Variants in MYO7B observed in about 807,000 individuals in gnomAD.
MYO7B encodes the protein unconventional myosin-VIIb.
A neutral mutation model predicts 259.7 loss-of-function variants in MYO7B; 212 were observed. The ratio of observed to expected loss-of-function variants is 0.82; its 90% CI spans 0.73 to 0.91. MYO7B has a LOEUF of 0.91. MYO7B is among the 40% of genes least tolerant of loss of function. The pLI is 0.00. For missense variants in MYO7B, 2,732 were observed against 2,813.5 expected (o/e 0.97, Z 0.66); for synonymous variants, 1,197 against 1,166.4 (o/e 1.03, Z -0.54).
chr2:127,587,049 C>T (rs1413138990), intron 14 of MYO7B, among the ~76,000 whole-genome samples: 1 of 152,190 alleles, frequency 6.6e-6, no homozygotes, highest in Non-Finnish European at 1.5e-5. Context: ...CTCTTCCTCC[C>T]CAGATCCACA....
At position 127,619,570 on chromosome 2, in the gene MYO7B, T is replaced by TCTGTTC. The variant is rs1680746507; in HGVS notation, c.3399-769_3399-764dup. Among the ~76,000 whole-genome samples the TCTGTTC allele has an allele frequency of 5.9e-5, 9 of 152,218 alleles. No individual in the cohort carries two copies. The South Asian group carries it at 1.9e-3, about 32-fold the overall frequency. On this transcript the variant is annotated intron_variant, in intron 26 of 47. Transcript: ENST00000409816. ...CCAGCCATGCACATTGCTTCCCATC[T>TCTGTTC]CTGTTCGGTGATGTCGTGTCGCAGT...
chr2:127,558,001 TAATTA>T (rs1371634515), intron 1 of MYO7B, among the ~76,000 whole-genome samples: 1 of 152,110 alleles, frequency 6.6e-6, no homozygotes, highest in Non-Finnish European at 1.5e-5. Flanking sequence ...AGGTGGGACT[TAATTA>T]AACTAAAGAG....
At position 127,636,864 on chromosome 2, in the gene MYO7B, C is replaced by A. The variant is rs201505994; in HGVS notation, c.6278C>A (p.Ala2093Glu). Residue 2093 changes from alanine to glutamate, a missense_variant, in exon 47 of 48, where the codon GCG (alanine) becomes GAG (glutamate). Physicochemically the swap from Ala to Glu is moderately radical, Grantham distance 107. This residue lies in a region of MYO7B where 821 missense variants were observed against 769.3 expected (regional missense o/e 1.07). Transcript: ENST00000409816. This position sits in a 1 kb window ranked among gnomAD's most constrained non-coding sequence, Gnocchi z 4.5. ...WSSGSTYFHMALGSLGRGSRL... is the reference protein window; with the variant it reads ...WSSGSTYFHMELGSLGRGSRL... ...AGCGGCAGCACCTACTTCCACATGG[C>A]GCTGGGGAGCCTGGGCCGTGGCAGC... is the stretch of plus-strand genomic sequence containing the variant. The A allele has an allele frequency of 1.2e-6, 2 of 1,613,276 alleles. No homozygotes were observed. Among genetic ancestry groups the A allele is most frequent in the Non-Finnish European group, 8.5e-7 (1 of 1,179,800 alleles).
Position 127,611,420 on chromosome 2 carries a change from G to A in MYO7B, c.3193-830G>A, listed in dbSNP as rs546644666. On this transcript the variant is annotated intron_variant, in intron 24 of 47. Coordinates refer to ENST00000409816, the MANE Select transcript of MYO7B (RefSeq NM_001393586.1). This position sits in a 1 kb window ranked among gnomAD's most constrained non-coding sequence, Gnocchi z 5.4. ...AGCACCTCTGAAGGGTGGACATGGG[G>A]GGAAGCAGGACTGGCTTCCCAGAGG... Among the ~76,000 whole-genome samples, 9 of 152,326 alleles carry A rather than the reference G, an allele frequency of 5.9e-5. No individual in the cohort carries two copies. In the East Asian group the frequency reaches 1.4e-3, roughly 23 times the overall value.
At position 127,576,683 on chromosome 2, in the gene MYO7B, C is replaced by T. The variant is rs754049987; in HGVS notation, c.824C>T (p.Pro275Leu). 1.9e-6 allele frequency: 3 copies of T among 1,608,402 alleles called. No homozygotes were observed. The East Asian group carries it at 6.7e-5, about 36-fold the overall frequency. The part of the protein sequence containing the change: ...EDKQLLSLGT[P>L]SEYHYLTMGN... ...AAGCAGCTGCTGAGCCTGGGCACGC[C>T]CTCCGAGTACCACTACCTGACCATG... Residue 275 changes from proline (P) to leucine (L), a missense_variant, in exon 8 of 48, where the codon CCC (proline) becomes CTC (leucine). By Grantham distance (98) the Pro-to-Leu change is moderately conservative. Transcript: ENST00000409816. The surrounding 1 kb of genome is among the most constrained non-coding windows in gnomAD (Gnocchi z 4.9).
At position 127,604,074 on chromosome 2, in the gene MYO7B, A is replaced by G. The variant is rs557367358; in HGVS notation, c.2340-1770A>G. Among the ~76,000 whole-genome samples, 197 of 152,344 alleles carry G rather than the reference A, an allele frequency of 1.3e-3. 1 individual carries two copies. Among genetic ancestry groups the G allele is most frequent in the African/African-American group, 4.6e-3 (193 of 41,574 alleles). ...CTTGAACCTGGGAAGTGGAGGTTGC[A>G]GTGAGCTGAGATCACGCCACTGCAC... is the stretch of plus-strand genomic sequence containing the variant. On this transcript the variant is annotated intron_variant, in intron 19 of 47. Transcript: ENST00000409816.
chr2:127,607,418 G>T lies in MYO7B; in HGVS notation c.2637G>T (p.Lys879Asn). 1 of 1,550,950 alleles carries T rather than the reference G, an allele frequency of 6.4e-7. No homozygotes were observed. Among genetic ancestry groups the T allele is most frequent in the Non-Finnish European group, 8.7e-7 (1 of 1,146,804 alleles). Residue 879 changes from lysine (K) to asparagine (N), a missense_variant, in exon 21 of 48, where the codon AAG (lysine) becomes AAT (asparagine). Physicochemically the swap from Lys to Asn is moderately conservative, Grantham distance 94. Transcript: ENST00000409816. This position sits in a 1 kb window ranked among gnomAD's most constrained non-coding sequence, Gnocchi z 4.4. ...CCCGGCGCAACTTCCAGCAAAGGAAGGCCAATGTAGGTGGTCACCTGGCCT... is the reference window on the plus strand; with the variant it reads ...CCCGGCGCAACTTCCAGCAAAGGAATGCCAATGTAGGTGGTCACCTGGCCT... ...MAARRNFQQR[K>N]ANAPLVIPAE...
intron 6 of MYO7B, among the ~76,000 whole-genome samples, chr2:127,571,267 T>C (rs1274140461): frequency 6.6e-6 from 1 of 152,166 alleles, no homozygotes; most frequent in Non-Finnish European, 1.5e-5. Context: ...GGACCTGGTC[T>C]GCCTTCTGAT....
At chr2:127,603,238 T>C (rs1425002650) in intron 19 of MYO7B, among the ~76,000 whole-genome samples, 3 of 152,218 alleles carry the variant, frequency 2.0e-5, no homozygotes, top group Non-Finnish European at 2.9e-5. Context: ...ATGAATGTTC[T>C]TAGTGGCATC....
rs1427822318 is a variant in MYO7B, at chr2:127,607,636, G to A, written c.2643+212G>A. On this transcript the variant is annotated intron_variant, in intron 21 of 47. Coordinates refer to ENST00000409816, the MANE Select transcript of MYO7B (RefSeq NM_001393586.1). This position sits in a 1 kb window ranked among gnomAD's most constrained non-coding sequence, Gnocchi z 4.4. ...ACAAGATGCAAATTAGCAGGCACCT[G>A]GGCTGAGATGTAGCTATCACGAGAG... Among the ~76,000 whole-genome samples, 1 of 152,030 alleles carries A rather than the reference G, an allele frequency of 6.6e-6. No homozygotes were observed. Among genetic ancestry groups the A allele is most frequent in the Non-Finnish European group, 1.5e-5 (1 of 68,018 alleles).
rs1401665571 is a variant in MYO7B at position 127,609,459 on chromosome 2, G to T, written c.2815-47G>T. 1 of 1,550,040 alleles carries T rather than the reference G, an allele frequency of 6.5e-7. No individual in the cohort carries two copies. The highest frequency in any genetic ancestry group is 1.9e-5 in the Admixed American group (1 of 52,736). ...TGGACAGTCAGCTGATGGGTTGGTT[G>T]TTACCTGAAAGCCCTGCTGACCCGT... On this transcript the variant is annotated intron_variant, in intron 22 of 47. Transcript: ENST00000409816. This position sits in a 1 kb window ranked among gnomAD's most constrained non-coding sequence, Gnocchi z 6.9.
chr2:127,554,347 T>C (rs940734182), intron 1 of MYO7B, among the ~76,000 whole-genome samples: 10 of 152,254 alleles, frequency 6.6e-5, no homozygotes, highest in African/African-American at 2.4e-4. Context: ...GTACTGGGAT[T>C]ACAGGCATGA....
At chr2:127,554,672 G>A (rs1391570840) in intron 1 of MYO7B, among the ~76,000 whole-genome samples, 1 of 152,096 alleles carries the variant, frequency 6.6e-6, no homozygotes, top group African/African-American at 2.4e-5. Flanking sequence ...TTTTTTGAAT[G>A]TCTGGTAGAA....
At position 127,609,381 on chromosome 2, in the gene MYO7B, C is replaced by T. The variant is rs150611672; in HGVS notation, c.2815-125C>T. On this transcript the variant is annotated intron_variant, in intron 22 of 47. Coordinates refer to ENST00000409816, the MANE Select transcript of MYO7B (RefSeq NM_001393586.1). The surrounding 1 kb of genome is among the most constrained non-coding windows in gnomAD (Gnocchi z 6.9). ...CACTGAATGTGGGGATGGGTGGTCT[C>T]CAGCACCTGAGGGATCAGGGTAATG... The T allele has an allele frequency of 5.1e-5, 44 of 865,338 alleles. 1 individual carries two copies. Among genetic ancestry groups the T allele is most frequent in the Non-Finnish European group, 7.8e-5 (43 of 548,606 alleles). 53.6% of individuals were successfully genotyped at this position (865,338 alleles called of 1,614,324 possible). A position where few individuals can be genotyped will look rare whatever the true frequency, so the allele number is the denominator to read the frequency against.
intron 1 of MYO7B, among the ~76,000 whole-genome samples, chr2:127,542,480 G>A (rs544513684): frequency 6.6e-6 from 1 of 152,334 alleles, no homozygotes; most frequent in East Asian, 1.9e-4. Context: ...CTGTGCAGAT[G>A]GTCATCACTG....
At position 127,535,985 on chromosome 2, in the gene MYO7B, A is replaced by G. The variant is rs1047050205; in HGVS notation, c.-24+154A>G. Among the ~76,000 whole-genome samples, 6 of 152,128 alleles carry G rather than the reference A, an allele frequency of 3.9e-5. No homozygotes were observed. The highest frequency in any genetic ancestry group is 1.4e-4 in the African/African-American group (6 of 41,414). On this transcript the variant is annotated intron_variant, in intron 1 of 47. Coordinates refer to ENST00000409816, the MANE Select transcript of MYO7B (RefSeq NM_001393586.1). The surrounding 1 kb of genome is among the most constrained non-coding windows in gnomAD (Gnocchi z 4.8). ...AGCCCTTCAGGAGCCTGGAAACCAG[A>G]AACCGCAGCAGGGGACTCAGTCCAT...
chr2:127,626,943 T>G, intron 31 of MYO7B, 32 bp from the exon 32 acceptor site: 1 of 1,569,900 alleles, frequency 6.4e-7, no homozygotes, highest in Non-Finnish European at 8.7e-7. Flanking sequence ...GGAAGGCAGG[T>G]GACGGAGGTG....
chr2:127,581,828 G>C, intron 10 of MYO7B, 63 bp from the exon 11 acceptor site: 1 of 1,604,652 alleles, frequency 6.2e-7, no homozygotes, highest in Admixed American at 1.7e-5. Flanking sequence ...GGCAGAAGCA[G>C]GTCAGAGTGC....
chr2:127,612,494 A>T lies in MYO7B; in HGVS notation c.3289A>T (p.Ile1097Phe), dbSNP rs763362384. 3.1e-5 allele frequency: 49 copies of T among 1,556,612 alleles called. No homozygotes were observed. The highest frequency in any genetic ancestry group is 4.1e-5 in the Non-Finnish European group (47 of 1,149,992). ...ITGQVASQLN[I>F]GEEALEPDGL... ...TTTCAAGGTGGCCAGCCAGCTGAAC[A>T]TTGGAGAGGAGGCATTGGAGCCTGA... is the stretch of plus-strand genomic sequence containing the variant. Residue 1097 changes from isoleucine (I) to phenylalanine (F), a missense_variant, in exon 26 of 48, where the codon ATT becomes TTT. Around this residue, in one of 3 missense-constraint regions of MYO7B, gnomAD observed 1,906 missense variants for 2,026.4 expected, o/e 0.94. Coordinates refer to ENST00000409816, the MANE Select transcript of MYO7B (RefSeq NM_001393586.1).
Sources: allele counts gnomAD v4.1 joint callset (sites outside exome capture counted in the v4.1 genomes callset), GRCh38; gene constraint gnomAD v4.1.1; regional missense constraint gnomAD v4.1.1; non-coding constraint Gnocchi (gnomAD v3.1); transcripts MANE v1.5; gene names NCBI Gene and HGNC (gene_info 2026-07-23, HGNC 2026-07-21).